Variants in GPC6 observed in about 807,000 individuals in gnomAD.
GPC6 encodes glypican 6, also known as glypican-6.
In GPC6, 14 loss-of-function variants were observed where a neutral mutation model predicts 55.2. The ratio of observed to expected loss-of-function variants is 0.25; its 90% CI spans 0.17 to 0.40. The LOEUF is 0.40. Ranked by LOEUF, GPC6 falls within the 10% of genes least tolerant of loss-of-function variation. GPC6 has a pLI of 1.00. For missense variants in GPC6, 641 were observed against 708.5 expected, an observed-to-expected ratio of 0.90 and a Z score of 1.08; for synonymous variants, 278 against 259.6, an observed-to-expected ratio of 1.07 and a Z score of -0.68.
At chr13:93,935,077 C>T (rs1329556665) in intron 3 of GPC6, among the ~76,000 whole-genome samples, 7 of 151,998 alleles carry the variant, frequency 4.6e-5, no homozygotes, top group African/African-American at 1.2e-4. Flanking sequence ...CTTGTTAATA[C>T]GGCCTCTATG....
In GPC6 at chr13:93,925,343, G is replaced by A. The variant is rs117463612; in HGVS notation, c.711+94798G>A. Among the ~76,000 whole-genome samples, 957 of 152,206 alleles carry A rather than the reference G, an allele frequency of 6.3e-3. 8 individuals carry two copies. The highest frequency in any genetic ancestry group is 0.02 in the Middle Eastern group (6 of 294). ...TTTGAGAATGACCTTTAAATATAAA[G>A]TGTGTTATTTTGTAAAAGTCTGCAA... is the stretch of plus-strand genomic sequence containing the variant. On this transcript the variant is annotated intron_variant, in intron 3 of 8. Coordinates refer to ENST00000377047, the MANE Select transcript of GPC6 (RefSeq NM_005708.5).
intron 4 of GPC6, among the ~76,000 whole-genome samples, chr13:94,157,742 C>T (rs556298167): frequency 1.3e-5 from 2 of 152,226 alleles, no homozygotes; most frequent in East Asian, 3.9e-4. Flanking sequence ...GCAGTGTGCA[C>T]ACTACACTGG....
At chr13:94,184,330 AACCT>A (rs1217202483) in intron 4 of GPC6, among the ~76,000 whole-genome samples, 3 of 151,954 alleles carry the variant, frequency 2.0e-5, no homozygotes, top group African/African-American at 7.2e-5. Flanking sequence ...AGAAAAAAAA[AACCT>A]ACTAGAGTAA....
chr13:94,160,514 C>T (rs1049504043), intron 4 of GPC6, among the ~76,000 whole-genome samples: 21 of 152,224 alleles, frequency 1.4e-4, no homozygotes, highest in Non-Finnish European at 2.8e-4. Flanking sequence ...AAGATGGCAA[C>T]CACAGGATAT....
At chr13:94,144,915 G>A (rs1202058386) in intron 4 of GPC6, among the ~76,000 whole-genome samples, 2 of 152,082 alleles carry the variant, frequency 1.3e-5, no homozygotes, top group African/African-American at 4.8e-5. Context: ...TAGGAACCAG[G>A]CCCTAGTTAA....
chr13:93,722,895 T>C (rs1050349496), intron 2 of GPC6, among the ~76,000 whole-genome samples: 7 of 151,852 alleles, frequency 4.6e-5, no homozygotes, highest in South Asian at 4.1e-4. Flanking sequence ...TCTCCTCTTC[T>C]TGTAAGGACA....
At chr13:93,938,968 G>GAC (rs1424817157) in intron 3 of GPC6, among the ~76,000 whole-genome samples, 4 of 152,052 alleles carry the variant, frequency 2.6e-5, no homozygotes, top group Non-Finnish European at 5.9e-5. Context: ...TGTGCGTGGT[G>GAC]ACACGTGCCT....
intron 6 of GPC6, among the ~76,000 whole-genome samples, chr13:94,339,408 G>T (rs1594184958): frequency 6.6e-6 from 1 of 151,956 alleles, no homozygotes; most frequent in East Asian, 1.9e-4. Flanking sequence ...CCTAACACCC[G>T]CTGTCATTCA....
chr13:94,244,227 A>G (rs1891134986), intron 4 of GPC6, among the ~76,000 whole-genome samples: 1 of 152,068 alleles, frequency 6.6e-6, no homozygotes, highest in Non-Finnish European at 1.5e-5. Flanking sequence ...GTATCTAAAA[A>G]CCGCATTTGA....
At chr13:94,139,621 T>C (rs1887305287) in intron 4 of GPC6, among the ~76,000 whole-genome samples, 1 of 152,220 alleles carries the variant, frequency 6.6e-6, no homozygotes, top group South Asian at 2.1e-4. Flanking sequence ...GTACCCCACC[T>C]GTCTGCAATT....
intron 4 of GPC6, among the ~76,000 whole-genome samples, chr13:94,183,341 C>G (rs1889060317): frequency 6.6e-6 from 1 of 152,160 alleles, no homozygotes; most frequent in South Asian, 2.1e-4. Flanking sequence ...TTTCACTTAG[C>G]AAAATGTTCT....
At chr13:94,072,767 A>G (rs1020561559) in intron 4 of GPC6, among the ~76,000 whole-genome samples, 1 of 152,240 alleles carries the variant, frequency 6.6e-6, no homozygotes, top group Admixed American at 6.5e-5. Flanking sequence ...GGAACAAGAC[A>G]AACGAGTCAA....
At chr13:93,958,141 A>G (rs1231089264) in intron 3 of GPC6, among the ~76,000 whole-genome samples, 1 of 152,122 alleles carries the variant, frequency 6.6e-6, no homozygotes, top group African/African-American at 2.4e-5. Context: ...TGCTTTGCAA[A>G]TATTTTCTCC....
At chr13:93,333,318 C>T (rs1171685747) in intron 1 of GPC6, among the ~76,000 whole-genome samples, 2 of 152,060 alleles carry the variant, frequency 1.3e-5, no homozygotes, top group Admixed American at 6.5e-5. Context: ...GTATTAATTT[C>T]TCCATTCCAT....
intron 4 of GPC6, among the ~76,000 whole-genome samples, chr13:94,053,594 C>T (rs1447497931): frequency 6.6e-6 from 1 of 152,174 alleles, no homozygotes; most frequent in East Asian, 1.9e-4. Context: ...AACAATCACA[C>T]TTGTCCCAAC....
chr13:94,111,523 T>C (rs1343930762), intron 4 of GPC6, among the ~76,000 whole-genome samples: 4 of 149,800 alleles, frequency 2.7e-5, no homozygotes, highest in Non-Finnish European at 4.4e-5. Flanking sequence ...AACTTCTTAA[T>C]TTAAAAAAAC....
chr13:93,498,551 G>GT (rs1213232605), intron 1 of GPC6, among the ~76,000 whole-genome samples: 1 of 152,184 alleles, frequency 6.6e-6, no homozygotes, highest in Non-Finnish European at 1.5e-5. Flanking sequence ...TCTCATGATA[G>GT]TGAGTAAGTC....
chr13:93,899,673 C>T (rs1465103561), intron 3 of GPC6, among the ~76,000 whole-genome samples: 6 of 152,050 alleles, frequency 3.9e-5, no homozygotes, highest in Admixed American at 6.6e-5. Flanking sequence ...CACTCGTAAA[C>T]GACATGATTG....
chr13:93,511,407 TC>T (rs1385521716), intron 1 of GPC6, among the ~76,000 whole-genome samples: 5 of 150,358 alleles, frequency 3.3e-5, no homozygotes, highest in African/African-American at 1.2e-4. Context: ...GTATGGATAT[TC>T]AATTTTCCCA....
Sources: allele counts gnomAD v4.1 joint callset (sites outside exome capture counted in the v4.1 genomes callset), GRCh38; gene constraint gnomAD v4.1.1; transcripts MANE v1.5; gene names NCBI Gene and HGNC (gene_info 2026-07-23, HGNC 2026-07-21).